The following RBKS variants were observed in gnomAD, a reference collection of about 807,000 sequenced individuals.
RBKS encodes ribokinase.
A neutral mutation model predicts 33.9 loss-of-function variants in RBKS; 33 were observed. The ratio of observed to expected loss-of-function variants is 0.97; its 90% CI spans 0.74 to 1.30. The LOEUF (loss-of-function observed/expected upper bound fraction) is 1.30. RBKS is among the 50% of genes most tolerant of loss of function. The probability of loss-of-function intolerance (pLI) is 0.00; values close to 1 mark genes in which losing one functional copy is unlikely to be tolerated. For synonymous variants in RBKS, 125 were observed against 143.0 expected (o/e 0.87, Z 0.90); for missense variants, 361 against 392.6 (o/e 0.92, Z 0.68).
intron 2 of RBKS, among the ~76,000 whole-genome samples, chr2:27,848,838 CAAAA>C (rs58195900): frequency 1.0e-5 from 1 of 95,474 alleles, no homozygotes. Context: ...GAGACTGTCT[CAAAA>C]AAAAAAAAAA....
At chr2:27,877,228 G>A (rs1046666308) in intron 1 of RBKS, among the ~76,000 whole-genome samples, 2 of 151,294 alleles carry the variant, frequency 1.3e-5, no homozygotes, top group South Asian at 2.1e-4. Flanking sequence ...CTAAGTCCCC[G>A]ACAACACTTT....
intron 1 of RBKS, among the ~76,000 whole-genome samples, chr2:27,864,673 G>GA (rs11297127): frequency 4.6e-5 from 7 of 150,624 alleles, no homozygotes; most frequent in African/African-American, 1.5e-4. Flanking sequence ...TTCATTCTGA[G>GA]AAAAAAAAAA....
At chr2:27,844,128 T>C (rs1178716012) in intron 4 of RBKS, among the ~76,000 whole-genome samples, 1 of 151,886 alleles carries the variant, frequency 6.6e-6, no homozygotes, top group East Asian at 1.9e-4. Flanking sequence ...GGCGTGGTGG[T>C]ATGTGCCTGC....
At chr2:27,809,084 C>T (rs1677944036) in intron 7 of RBKS, among the ~76,000 whole-genome samples, 1 of 152,258 alleles carries the variant, frequency 6.6e-6, no homozygotes, top group Non-Finnish European at 1.5e-5. Flanking sequence ...GCAGCTCAAC[C>T]ATAATGTTCT....
intron 7 of RBKS, among the ~76,000 whole-genome samples, chr2:27,808,421 A>G (rs565570337): frequency 6.6e-6 from 1 of 152,362 alleles, no homozygotes; most frequent in South Asian, 2.1e-4. Context: ...GATTCCATCT[A>G]AAATTGAGTC....
chr2:27,888,023 T>C (rs1488068922), intron 1 of RBKS, among the ~76,000 whole-genome samples: 5 of 152,188 alleles, frequency 3.3e-5, no homozygotes, highest in African/African-American at 1.2e-4. Context: ...TAGTATCTGA[T>C]GGTCAAGCTT....
intron 7 of RBKS, among the ~76,000 whole-genome samples, chr2:27,820,304 A>G (rs546265751): frequency 2.6e-5 from 4 of 152,306 alleles, no homozygotes; most frequent in Non-Finnish European, 5.9e-5. Context: ...AATAATGATC[A>G]TAACAGCTGG....
chr2:27,849,828 C>G (rs985397617), intron 2 of RBKS, among the ~76,000 whole-genome samples: 29 of 152,212 alleles, frequency 1.9e-4, no homozygotes, highest in Non-Finnish European at 2.5e-4. Context: ...CTCTGCCTGG[C>G]CAGCCATTTG....
intron 7 of RBKS, among the ~76,000 whole-genome samples, chr2:27,812,030 T>C (rs1178302310): frequency 6.6e-6 from 1 of 152,244 alleles, no homozygotes; most frequent in African/African-American, 2.4e-5. Context: ...TTTTGAGAAG[T>C]GTTTGTTCAT....
intron 7 of RBKS, among the ~76,000 whole-genome samples, chr2:27,786,406 C>T (rs1677401008): frequency 6.6e-6 from 1 of 152,202 alleles, no homozygotes; most frequent in African/African-American, 2.4e-5. Flanking sequence ...GACATTCTGG[C>T]ATTGCCGATA....
Position 27,781,525 on chromosome 2 carries a change from C to A in RBKS, c.*90G>T. 1 of 1,004,452 alleles carries A rather than the reference C, an allele frequency of 1.0e-6. No individual in the cohort carries two copies. 62.2% of individuals were successfully genotyped at this position (1,004,452 alleles called of 1,614,324 possible). On this transcript the variant is annotated 3_prime_UTR_variant, in exon 8 of 8. Transcript: ENST00000302188. ...AACTAATATTTGCAAAGAAAGGGGACGAGGACATTTTCTAATAAGCATTAG... is the reference window on the plus strand; with the variant it reads ...AACTAATATTTGCAAAGAAAGGGGAAGAGGACATTTTCTAATAAGCATTAG...
chr2:27,792,850 A>G (rs762461278), intron 7 of RBKS, among the ~76,000 whole-genome samples: 5 of 152,008 alleles, frequency 3.3e-5, no homozygotes, highest in Admixed American at 6.6e-5. Context: ...CCTTTATGAT[A>G]TCTTCCCAGA....
At chr2:27,784,253 G>A (rs1487754989) in intron 7 of RBKS, among the ~76,000 whole-genome samples, 2 of 151,612 alleles carry the variant, frequency 1.3e-5, no homozygotes, top group African/African-American at 4.8e-5. Context: ...GAAGTGCTGG[G>A]ATTACAGGCG....
intron 1 of RBKS, among the ~76,000 whole-genome samples, chr2:27,875,470 T>C (rs1165401311): frequency 1.3e-5 from 2 of 152,172 alleles, no homozygotes; most frequent in Non-Finnish European, 2.9e-5. Flanking sequence ...GGAGGATTGA[T>C]TGAGCCTGGA....
At chr2:27,884,538 A>G (rs1223588496) in intron 1 of RBKS, among the ~76,000 whole-genome samples, 1 of 150,618 alleles carries the variant, frequency 6.6e-6, no homozygotes, top group Non-Finnish European at 1.5e-5. Flanking sequence ...AGCCACCACT[A>G]TGCCTGGCCA....
chr2:27,804,206 AAAC>A (rs1169366043), intron 7 of RBKS, among the ~76,000 whole-genome samples: 2 of 152,238 alleles, frequency 1.3e-5, no homozygotes. Context: ...GGATTTAAAA[AAAC>A]AACTTTGAGA....
intron 5 of RBKS, among the ~76,000 whole-genome samples, chr2:27,841,426 T>C (rs1402539320): frequency 6.6e-6 from 1 of 152,168 alleles, no homozygotes; most frequent in Non-Finnish European, 1.5e-5. Flanking sequence ...TGTATTCACA[T>C]CACTCTGCTG....
In RBKS at chr2:27,890,332, C is replaced by A; in HGVS notation, c.14G>T (p.Gly5Val). 6.2e-7 allele frequency: 1 copy of A among 1,613,574 alleles called. No individual in the cohort carries two copies. Among genetic ancestry groups the A allele is most frequent in the Non-Finnish European group, 8.5e-7 (1 of 1,179,986 alleles). Residue 5 changes from glycine to valine, a missense_variant, in exon 1 of 8, where the codon GGG (glycine) becomes GTG (valine). Coordinates refer to ENST00000302188, the MANE Select transcript of RBKS (RefSeq NM_022128.3). This position sits in a 1 kb window ranked among gnomAD's most constrained non-coding sequence, Gnocchi z 4.8. ...CTCTTGCCACTGCCTCTGGGGTTCC[C>A]CAGACGCCGCCATCGCTCAAAGGTG... MAAS[G>V]EPQRQWQEEV...
chr2:27,861,663 T>TGGGGGG (rs56729802), intron 1 of RBKS: 51 of 313,126 alleles, frequency 1.6e-4, no homozygotes, highest in South Asian at 4.0e-4. Flanking sequence ...CATTTCTTTT[T>TGGGGGG]GGGGGGGGGG....
Sources: allele counts gnomAD v4.1 joint callset (sites outside exome capture counted in the v4.1 genomes callset), GRCh38; gene constraint gnomAD v4.1.1; non-coding constraint Gnocchi (gnomAD v3.1); transcripts MANE v1.5; gene names NCBI Gene and HGNC (gene_info 2026-07-23, HGNC 2026-07-21).